LITAF: variants seen among roughly 807,000 people sequenced by gnomAD.
LITAF encodes the protein lipopolysaccharide-induced tumor necrosis factor-alpha factor.
Under a neutral mutation model 14.5 loss-of-function variants are expected in LITAF, and 9 were observed. That is an observed-to-expected ratio of 0.62 (90% confidence interval 0.37 to 1.08). The LOEUF (loss-of-function observed/expected upper bound fraction) is 1.08, where lower values mean the gene tolerates loss of function less well. Among genes scored for constraint, LITAF ranks in the 50% least tolerant of loss-of-function variants. The pLI, the probability that LITAF is intolerant of heterozygous loss-of-function variation, is 0.01. For synonymous variants in LITAF, 98 were observed against 88.2 expected (o/e 1.11, Z -0.62); for missense variants, 206 against 213.4 (o/e 0.97, Z 0.22).
chr16:11,579,722 G>C (rs981430976), intron 1 of LITAF, among the ~76,000 whole-genome samples: 1 of 151,986 alleles, frequency 6.6e-6, no homozygotes, highest in Non-Finnish European at 1.5e-5. Context: ...ACTGGGTGAG[G>C]AACTCCCTGT....
intron 3 of LITAF, among the ~76,000 whole-genome samples, chr16:11,610,981 G>A (rs552093696): frequency 6.6e-6 from 1 of 152,106 alleles, no homozygotes; most frequent in East Asian, 1.9e-4. Flanking sequence ...CTAAGGGGTA[G>A]GAGGAGGGAG....
chr16:11,611,956 C>A (rs1166239068), intron 3 of LITAF, among the ~76,000 whole-genome samples: 1 of 152,206 alleles, frequency 6.6e-6, no homozygotes, highest in Non-Finnish European at 1.5e-5. Flanking sequence ...TGAGCCGCTG[C>A]GCCTGGCCCT....
At chr16:11,607,427 G>T (rs957617826) in intron 3 of LITAF, among the ~76,000 whole-genome samples, 12 of 152,082 alleles carry the variant, frequency 7.9e-5, no homozygotes, top group African/African-American at 2.4e-4. Context: ...TTCAATTTTG[G>T]GTCAGTGAGA....
At chr16:11,552,048 C>T (rs1329060335) in intron 3 of LITAF, among the ~76,000 whole-genome samples, 5 of 151,986 alleles carry the variant, frequency 3.3e-5, no homozygotes, top group Non-Finnish European at 7.4e-5. Flanking sequence ...CACATGACCT[C>T]AAGGAAGTTA....
At chr16:11,584,359 C>T (rs927761260) in intron 1 of LITAF, 6 of 152,198 alleles carry the variant, frequency 3.9e-5, no homozygotes, top group Non-Finnish European at 8.8e-5. Flanking sequence ...GTTTAAGTCA[C>T]AAAACGGCAC....
At chr16:11,560,116 G>A (rs1183786727) in intron 1 of LITAF, among the ~76,000 whole-genome samples, 1 of 152,096 alleles carries the variant, frequency 6.6e-6, no homozygotes, top group Non-Finnish European at 1.5e-5. Flanking sequence ...GGCCAACATG[G>A]TGAAACCCCG....
At chr16:11,557,680 G>A (rs1463138935) in intron 1 of LITAF, among the ~76,000 whole-genome samples, 1 of 152,102 alleles carries the variant, frequency 6.6e-6, no homozygotes, top group Admixed American at 6.6e-5. Flanking sequence ...TGTACTCCTG[G>A]GGGCAAGTGA....
intron 1 of LITAF, among the ~76,000 whole-genome samples, chr16:11,568,675 T>G (rs1489665561): frequency 8.0e-6 from 1 of 124,866 alleles, no homozygotes; most frequent in Non-Finnish European, 1.7e-5. Context: ...ACACCCTTGT[T>G]TTTTTTTGTT....
chr16:11,629,131 G>C (rs1285213078), intron 3 of LITAF: 1 of 152,384 alleles, frequency 6.6e-6, no homozygotes, highest in African/African-American at 2.4e-5. Flanking sequence ...ACCAAGTGCT[G>C]GGATGGCACC....
At chr16:11,625,978 C>T (rs1332053897) in intron 3 of LITAF, among the ~76,000 whole-genome samples, 5 of 152,130 alleles carry the variant, frequency 3.3e-5, no homozygotes, top group African/African-American at 9.7e-5. Context: ...TAAGGCCACA[C>T]AGCTGAACAG....
chr16:11,549,444 C>T lies in LITAF; in HGVS notation c.*193G>A, dbSNP rs886051652. 29 of 643,046 alleles carry T rather than the reference C, an allele frequency of 4.5e-5. No individual in the cohort carries two copies. Among genetic ancestry groups the T allele is most frequent in the East Asian group, 6.2e-5 (2 of 32,168 alleles). 39.8% of individuals were successfully genotyped at this position (643,046 alleles called of 1,614,324 possible). ...GGAATGTCTTTGCAAGTCCTATGCACGACTCCAAGCAGCAATTTCTGGGGT... is the reference window on the plus strand; with the variant it reads ...GGAATGTCTTTGCAAGTCCTATGCATGACTCCAAGCAGCAATTTCTGGGGT... On this transcript the variant is annotated 3_prime_UTR_variant, in exon 4 of 4. Coordinates refer to ENST00000622633, the MANE Select transcript of LITAF (RefSeq NM_001136472.2). The surrounding 1 kb of genome is among the most constrained non-coding windows in gnomAD (Gnocchi z 4.6).
chr16:11,579,010 G>A (rs926058974), intron 1 of LITAF, among the ~76,000 whole-genome samples: 3 of 152,148 alleles, frequency 2.0e-5, no homozygotes, highest in South Asian at 4.1e-4. Flanking sequence ...CCAACATGGG[G>A]AAACCCCATC....
At chr16:11,600,123 G>A (rs34100780), upstream of LITAF, among the ~76,000 whole-genome samples, 14,008 of 152,020 alleles carry the variant, frequency 0.092, 779 homozygotes, top group Admixed American at 0.11. This position sits in a 1 kb window ranked among gnomAD's most constrained non-coding sequence, Gnocchi z 4.1. Flanking sequence ...TCGGCCTCCC[G>A]AGTAGCTGGG....
At chr16:11,625,664 G>C (rs1168215990) in intron 3 of LITAF, among the ~76,000 whole-genome samples, 1 of 152,196 alleles carries the variant, frequency 6.6e-6, no homozygotes. Flanking sequence ...CCCCTAGGTT[G>C]TGTGCTGAAG....
upstream of LITAF, among the ~76,000 whole-genome samples, chr16:11,598,653 C>T (rs1311653948): frequency 4.6e-5 from 7 of 152,146 alleles, no homozygotes; most frequent in East Asian, 9.7e-4. Context: ...ACAATGATGA[C>T]GTGGCTTTGA....
chr16:11,551,823 C>T, intron 3 of LITAF: 1 of 587,118 alleles, frequency 1.7e-6, no homozygotes. Context: ...CAGAGCAAGA[C>T]TCAGCCTCAA....
At chr16:11,565,086 CTTT>C (rs35652163) in intron 1 of LITAF, among the ~76,000 whole-genome samples, 131 of 137,864 alleles carry the variant, frequency 9.5e-4, no homozygotes, top group Admixed American at 3.9e-3. Context: ...ACTGAATTAT[CTTT>C]TTTTTTTTTT....
chr16:11,592,624 G>C (rs569925723), intron 1 of LITAF, among the ~76,000 whole-genome samples: 9 of 149,210 alleles, frequency 6.0e-5, no homozygotes, highest in Non-Finnish European at 1.3e-4. Context: ...TTACCCCCAA[G>C]AAAATACACA....
At chr16:11,621,682 C>T (rs921181515) in intron 3 of LITAF, among the ~76,000 whole-genome samples, 16 of 152,116 alleles carry the variant, frequency 1.1e-4, no homozygotes, top group Non-Finnish European at 2.1e-4. Context: ...CTGAATTCCC[C>T]GGCAGGATGC....
Sources: gnomAD v4.1 joint callset for allele counts (sites outside exome capture counted in the v4.1 genomes callset) on GRCh38, gnomAD v4.1.1 for gene constraint, Gnocchi (gnomAD v3.1) non-coding constraint, MANE v1.5 for transcripts, NCBI Gene and HGNC (gene_info 2026-07-23, HGNC 2026-07-21) for gene names.